The following TMEM138 variants were observed in gnomAD, a reference collection of about 807,000 sequenced individuals.
TMEM138 encodes the protein transmembrane protein 138.
TMEM138 carries 9 observed loss-of-function variants against 18.1 expected under a neutral mutation model. The observed-to-expected ratio is 0.50, with a 90% CI of 0.30 to 0.87. The LOEUF (loss-of-function observed/expected upper bound fraction) is 0.87. TMEM138 is among the 40% of genes least tolerant of loss of function. TMEM138 has a pLI of 0.06. For synonymous variants in TMEM138, 79 were observed against 74.8 expected (o/e 1.06, Z -0.29); for missense variants, 189 against 190.6 (o/e 0.99, Z 0.05).
downstream of TMEM138, among the ~76,000 whole-genome samples, chr11:61,371,004 G>C (rs1327537264): frequency 6.6e-6 from 1 of 152,048 alleles, no homozygotes; most frequent in Non-Finnish European, 1.5e-5. Context: ...ACTGAGTCAC[G>C]CAACACCGCC....
rs1350244778 is a variant in TMEM138, at chr11:61,364,425, C to G, written c.35C>G (p.Ser12Cys). Residue 12 changes from serine to cysteine, a missense_variant, in exon 2 of 5, where the codon TCT (serine) becomes TGT (cysteine). Coordinates refer to ENST00000278826, the MANE Select transcript of TMEM138 (RefSeq NM_016464.5). ...LQTSNYSLVL[S>C]LQFLLLSYDL... ...ACCAGTAACTACAGCCTGGTGCTCT[C>G]TCTGCAGTTCCTGCTGCTGTCCTAT... 2 of 1,614,088 alleles carry G rather than the reference C, an allele frequency of 1.2e-6. No homozygotes were observed. The highest frequency in any genetic ancestry group is 3.3e-5 in the Admixed American group (2 of 60,012).
intron 4 of TMEM138, 134 bp downstream of exon 4, chr11:61,368,132 G>C (rs61414182): frequency 2.6e-6 from 2 of 768,314 alleles, no homozygotes; most frequent in Admixed American, 3.5e-5. Flanking sequence ...GGAACAGGAG[G>C]GATTACTGCC....
chr11:61,368,228 TTTG>T (rs1858223023), intron 4 of TMEM138: 1 of 639,828 alleles, frequency 1.6e-6, no homozygotes, highest in Non-Finnish European at 2.9e-6. Flanking sequence ...TGTTTGTTTG[TTTG>T]TTTGTTTGTT....
chr11:61,375,995 A>G (rs1006111146), downstream of TMEM138, among the ~76,000 whole-genome samples: 20 of 152,208 alleles, frequency 1.3e-4, 1 homozygote. Context: ...AAAAAGTCTT[A>G]TCTGAGATTC....
At chr11:61,376,792 C>T (rs542877803), downstream of TMEM138, among the ~76,000 whole-genome samples, 2 of 152,154 alleles carry the variant, frequency 1.3e-5, no homozygotes, top group Non-Finnish European at 2.9e-5. Context: ...TCACAACCTT[C>T]TAAAAATGAG....
chr11:61,374,767 G>T (rs545020902), downstream of TMEM138, among the ~76,000 whole-genome samples: 5 of 152,252 alleles, frequency 3.3e-5, no homozygotes, highest in Non-Finnish European at 7.4e-5. Flanking sequence ...TGGCCAACAA[G>T]GTGAAACCCT....
chr11:61,365,187 C>CAA (rs539669533), intron 2 of TMEM138, among the ~76,000 whole-genome samples: 3 of 134,676 alleles, frequency 2.2e-5, no homozygotes, highest in African/African-American at 5.5e-5. Context: ...GACTCCATCT[C>CAA]AAAAAAAAAA....
At position 61,368,046 on chromosome 11, in the gene TMEM138, T is replaced by TCGAAA. The variant is rs1858215120; in HGVS notation, c.376+49_376+50insGAAAC. The TCGAAA allele has an allele frequency of 3.0e-6, 4 of 1,314,008 alleles. No homozygotes were observed. The South Asian group carries it at 4.7e-5, about 15-fold the overall frequency. The allele number at this position is 1,314,008 out of a possible 1,614,324, so 81.4% of individuals were successfully genotyped here. ...GCCTCTCTCAGGTCCCACATGTGTC[T>TCGAAA]CTTTCAGTGAGGGCCTTGATGCTGG... On this transcript the variant is annotated intron_variant, in intron 4 of 4. Transcript: ENST00000278826.
chr11:61,365,921 T>C, intron 2 of TMEM138, 124 bp from the exon 3 acceptor site: 1 of 1,250,990 alleles, frequency 8.0e-7, no homozygotes, highest in Non-Finnish European at 1.1e-6. Context: ...TCTGTGAGGG[T>C]TTAAGATGTC....
rs753234953 is a variant in TMEM138, at chr11:61,367,944, A to G, written c.322A>G (p.Asn108Asp). 61 of 1,613,424 alleles carry G rather than the reference A, an allele frequency of 3.8e-5. No individual in the cohort carries two copies. The highest frequency in any genetic ancestry group is 4.3e-5 in the Non-Finnish European group (51 of 1,179,502). Residue 108 changes from asparagine to aspartate, a missense_variant, in exon 4 of 5, where the codon AAC becomes GAC. By Grantham distance (23) the Asn-to-Asp change is conservative (BLOSUM62 1). Coordinates refer to ENST00000278826, the MANE Select transcript of TMEM138 (RefSeq NM_016464.5). ...TCAGAACTTACGCTGGAAAAACTCCAACAGCTTCATATGGACAGATGGACT... is the reference window on the plus strand; with the variant it reads ...TCAGAACTTACGCTGGAAAAACTCCGACAGCTTCATATGGACAGATGGACT... ...WVMNLRWKNS[N>D]SFIWTDGLQM...
chr11:61,374,304 C>T (rs1179239945), downstream of TMEM138, among the ~76,000 whole-genome samples: 5 of 151,788 alleles, frequency 3.3e-5, no homozygotes, highest in African/African-American at 1.2e-4. Flanking sequence ...CCCACCACCA[C>T]ACCCAGCTAA....
At chr11:61,370,190 G>C (rs73492378), downstream of TMEM138, among the ~76,000 whole-genome samples, 1,702 of 152,282 alleles carry the variant, frequency 0.011, 35 homozygotes, top group African/African-American at 0.039. Flanking sequence ...GACAAAGCAC[G>C]TGAGGGTAGG....
downstream of TMEM138, among the ~76,000 whole-genome samples, chr11:61,376,645 A>C (rs1463566601): frequency 6.6e-6 from 1 of 152,214 alleles, no homozygotes. Flanking sequence ...ATTTACATAC[A>C]TAAGCCACTT....
Position 61,367,929 on chromosome 11 carries a change from C to G in TMEM138, c.307C>G (p.Arg103Gly), listed in dbSNP as rs202210746. Residue 103 changes from arginine to glycine, a missense_variant, in exon 4 of 5, where the codon CGC (arginine) becomes GGC (glycine). Arg to Gly is a moderately radical substitution (Grantham distance 125, BLOSUM62 -2). Coordinates refer to ENST00000278826, the MANE Select transcript of TMEM138 (RefSeq NM_016464.5). ...TATCTCACATCTCCTTCAGAACTTA[C>G]GCTGGAAAAACTCCAACAGCTTCAT... ...ISLHVWVMNL[R>G]WKNSNSFIWT... The G allele has an allele frequency of 3.7e-6, 6 of 1,610,650 alleles. No individual in the cohort carries two copies. Among genetic ancestry groups the G allele is most frequent in the African/African-American group, 2.7e-5 (2 of 74,966 alleles).
intron 2 of TMEM138, chr11:61,365,763 A>T (rs539850040): frequency 3.5e-5 from 10 of 286,464 alleles, no homozygotes; most frequent in Admixed American, 1.5e-4. Context: ...CTTCTATAGG[A>T]CTATGTATGG....
At chr11:61,373,142 A>G (rs1457438858), downstream of TMEM138, among the ~76,000 whole-genome samples, 2 of 152,178 alleles carry the variant, frequency 1.3e-5, no homozygotes, top group Non-Finnish European at 2.9e-5. Flanking sequence ...GAAGATGCCA[A>G]TCAAAATAAA....
chr11:61,376,677 T>C (rs1310394848), downstream of TMEM138, among the ~76,000 whole-genome samples: 1 of 152,226 alleles, frequency 6.6e-6, no homozygotes, highest in Non-Finnish European at 1.5e-5. Flanking sequence ...TACCGATGTA[T>C]GGACTTCAGA....
downstream of TMEM138, among the ~76,000 whole-genome samples, chr11:61,373,225 G>C (rs1012483235): frequency 6.6e-6 from 1 of 152,174 alleles, no homozygotes; most frequent in Non-Finnish European, 1.5e-5. Context: ...TATCAAGAAA[G>C]AGGCGGACAG....
At chr11:61,364,680 G>T in intron 2 of TMEM138, 162 bp downstream of exon 2, 1 of 938,914 alleles carries the variant, frequency 1.1e-6, no homozygotes. Context: ...TTTGAGGCTG[G>T]GAGTTTGAGG....
Sources: gnomAD v4.1 joint callset for allele counts (sites outside exome capture counted in the v4.1 genomes callset) on GRCh38, gnomAD v4.1.1 for gene constraint, MANE v1.5 for transcripts, NCBI Gene and HGNC (gene_info 2026-07-23, HGNC 2026-07-21) for gene names.